Variants in WNT3A observed in about 807,000 individuals in gnomAD.
WNT3A encodes protein Wnt-3a.
A neutral mutation model predicts 37.0 loss-of-function variants in WNT3A; 17 were observed. The observed-to-expected ratio is 0.46, with a 90% confidence interval of 0.31 to 0.69. The LOEUF is 0.69. WNT3A is among the 30% of genes least tolerant of loss of function. The probability of loss-of-function intolerance (pLI) is 0.05; values close to 1 mark genes in which losing one functional copy is unlikely to be tolerated. For missense variants in WNT3A, 411 were observed against 510.2 expected (o/e 0.81, Z 1.87); for synonymous variants, 187 against 211.0 (o/e 0.89, Z 0.99).
chr1:228,046,787 C>A (rs571402312), intron 2 of WNT3A, among the ~76,000 whole-genome samples: 2 of 143,320 alleles, frequency 1.4e-5, no homozygotes, highest in Admixed American at 7.0e-5. Context: ...TGTGTGCATG[C>A]GTGTGATGTG....
In WNT3A at chr1:228,050,508, C is replaced by T. The variant is rs905308523; in HGVS notation, c.314-148C>T. Reference sequence around the variant, plus strand: ...CATGCTTCTGTGTAGCCTGTAGATCCGTGAACCAAGTAAGCCTCTTTGCCT... The same window carrying T: ...CATGCTTCTGTGTAGCCTGTAGATCTGTGAACCAAGTAAGCCTCTTTGCCT... On this transcript the variant is annotated intron_variant, in intron 2 of 3. Transcript: ENST00000284523. The surrounding 1 kb of genome is among the most constrained non-coding windows in gnomAD (Gnocchi z 5.0). 23 of 981,074 alleles carry T rather than the reference C, an allele frequency of 2.3e-5. No individual in the cohort carries two copies. Among genetic ancestry groups the T allele is most frequent in the Non-Finnish European group, 2.4e-5 (17 of 707,976 alleles). 60.8% of individuals were successfully genotyped at this position (981,074 alleles called of 1,614,324 possible). A position where few individuals can be genotyped will look rare whatever the true frequency, so the allele number is the denominator to read the frequency against.
At chr1:228,052,435 T>C (rs1488990286) in intron 3 of WNT3A, among the ~76,000 whole-genome samples, 2 of 152,222 alleles carry the variant, frequency 1.3e-5, no homozygotes, top group Non-Finnish European at 2.9e-5. Context: ...TGAGCCACCA[T>C]GCCCAGCCGA....
chr1:228,021,311 C>T (rs149278853), intron 1 of WNT3A, among the ~76,000 whole-genome samples: 17 of 152,324 alleles, frequency 1.1e-4, no homozygotes, highest in South Asian at 4.1e-4. Context: ...TTAATTTAAA[C>T]GGCACAGGTG....
chr1:228,051,059 TGTG>T, intron 3 of WNT3A, 138 bp downstream of exon 3: 3 of 1,176,844 alleles, frequency 2.5e-6, no homozygotes, highest in South Asian at 1.7e-5. Flanking sequence ...CTGCCTGGGG[TGTG>T]CGAAGCTTAG....
intron 1 of WNT3A, among the ~76,000 whole-genome samples, chr1:228,014,907 C>T (rs1320203049): frequency 2.6e-5 from 4 of 152,340 alleles, no homozygotes; most frequent in Middle Eastern, 6.8e-3. Flanking sequence ...TGGCCACAGG[C>T]GGAAGCCATG....
intron 2 of WNT3A, among the ~76,000 whole-genome samples, chr1:228,044,379 A>T (rs907155839): frequency 2.6e-5 from 4 of 152,040 alleles, no homozygotes; most frequent in African/African-American, 9.7e-5. Context: ...TTCTATCAAG[A>T]TCCCTTTTCT....
intron 3 of WNT3A, among the ~76,000 whole-genome samples, chr1:228,055,179 AATATATATATATATATATATATATATAT>A (rs1180107835): frequency 2.1e-4 from 4 of 19,290 alleles, no homozygotes; most frequent in Non-Finnish European, 3.4e-4. Context: ...AAAAAAAAAA[AATATATATATATATATATATATATATAT>A]ATATATATAT....
Position 228,043,899 on chromosome 1 carries a change from C to T in WNT3A, c.314-6757C>T, listed in dbSNP as rs370851569. The stretch of plus-strand genomic sequence containing the variant: ...CAACCCATAGGCTCAAATCTCCTGC[C>T]GCTGTGCCTGCCACTTGGACATTCT... On this transcript the variant is annotated intron_variant, in intron 2 of 3. Transcript: ENST00000284523. Among the ~76,000 whole-genome samples the T allele has an allele frequency of 3.9e-5, 6 of 152,274 alleles. No individual in the cohort carries two copies. In the East Asian group the frequency reaches 5.8e-4, roughly 15 times the overall value.
intron 3 of WNT3A, among the ~76,000 whole-genome samples, chr1:228,055,171 AAAAAAAAAATATATATATATATAT>A (rs1558296031): frequency 2.7e-5 from 2 of 73,026 alleles, no homozygotes; most frequent in African/African-American, 1.2e-4. Flanking sequence ...AAAAAAAAAA[AAAAAAAAAATATATATATATATAT>A]ATATATATAT....
intron 1 of WNT3A, among the ~76,000 whole-genome samples, chr1:228,015,900 G>A (rs1417672038): frequency 6.6e-6 from 1 of 152,068 alleles, no homozygotes; most frequent in Non-Finnish European, 1.5e-5. Context: ...CTGCTGGCTG[G>A]GGCCACGCTT....
intron 1 of WNT3A, among the ~76,000 whole-genome samples, chr1:228,016,392 C>T (rs1193017008): frequency 6.6e-6 from 1 of 152,128 alleles, no homozygotes; most frequent in Non-Finnish European, 1.5e-5. Flanking sequence ...ACCACAACTG[C>T]CCAGTTCAGT....
At position 228,007,228 on chromosome 1, in the gene WNT3A, G is replaced by A; in HGVS notation, c.71+29G>A. The A allele has an allele frequency of 6.3e-7, 1 of 1,585,064 alleles. No individual in the cohort carries two copies. Among genetic ancestry groups the A allele is most frequent in the Non-Finnish European group, 8.6e-7 (1 of 1,166,222 alleles). ...AGTGAGCCTCCTCGCGTTCGCCCCT[G>A]CCCCTGTGCGCCGCGCCCGCAGCAG... On this transcript the variant is annotated intron_variant, in intron 1 of 3. Coordinates refer to ENST00000284523, the MANE Select transcript of WNT3A (RefSeq NM_033131.4). This position sits in a 1 kb window ranked among gnomAD's most constrained non-coding sequence, Gnocchi z 6.0.
At chr1:228,049,174 T>G (rs901309588) in intron 2 of WNT3A, among the ~76,000 whole-genome samples, 1 of 152,128 alleles carries the variant, frequency 6.6e-6, no homozygotes, top group Admixed American at 6.5e-5. Flanking sequence ...GAGGCAGCTG[T>G]ACCGCTGAGC....
chr1:228,025,707 A>G (rs2030836813), intron 2 of WNT3A, among the ~76,000 whole-genome samples: 2 of 152,076 alleles, frequency 1.3e-5, no homozygotes, highest in South Asian at 4.2e-4. Context: ...GTGTACCTCC[A>G]TGGTTAATGT....
In WNT3A at chr1:228,022,272, A is replaced by G. The variant is rs369324120; in HGVS notation, c.72-395A>G. On this transcript the variant is annotated intron_variant, in intron 1 of 3. Transcript: ENST00000284523. ...CAGGAGTTTGGGACCAGCCTGGGCA[A>G]CATAGCAGGACCTTGTCTCTACAAA... is the stretch of plus-strand genomic sequence containing the variant. Among the ~76,000 whole-genome samples the G allele has an allele frequency of 5.0e-4, 76 of 152,264 alleles. No homozygotes were observed. In the South Asian group the frequency reaches 0.016, roughly 32 times the overall value.
At chr1:228,046,495 G>GCATGTATGTGTATGGTATT (rs1180718931) in intron 2 of WNT3A, among the ~76,000 whole-genome samples, 4 of 150,028 alleles carry the variant, frequency 2.7e-5, no homozygotes, top group Non-Finnish European at 5.9e-5. Flanking sequence ...GGTTGTGTGT[G>GCATGTATGTGTATGGTATT]CATGTATGTG....
At chr1:228,022,970 C>T (rs1001577725) in intron 2 of WNT3A, 62 bp downstream of exon 2, 18 of 1,545,190 alleles carry the variant, frequency 1.2e-5, no homozygotes, top group African/African-American at 4.1e-5. Flanking sequence ...TCCCGCCTAG[C>T]GCTGCCTGAC....
At chr1:228,017,679 C>A (rs557475345) in intron 1 of WNT3A, among the ~76,000 whole-genome samples, 12 of 152,132 alleles carry the variant, frequency 7.9e-5, no homozygotes, top group Non-Finnish European at 1.3e-4. Flanking sequence ...TCAGCCTAGA[C>A]GACAGAGCAA....
chr1:228,055,170 AAAAAAAAAAATATATATATATATATAT>A lies in WNT3A; in HGVS notation c.580-3814_580-3788del, dbSNP rs1287135111. Among the ~76,000 whole-genome samples, 12 of 72,764 alleles carry A rather than the reference AAAAAAAAAAATATATATATATATATAT, an allele frequency of 1.6e-4. 1 individual carries two copies. Among genetic ancestry groups the A allele is most frequent in the African/African-American group, 7.3e-4 (12 of 16,478 alleles). 47.7% of individuals were successfully genotyped at this position (72,764 alleles called of 152,430 possible). ...GGAAACTCCGTCCCAAAAAAAAAAAAAAAAAAAAAATATATATATATATATATATATATATATATATATATATATACA... is the reference window on the plus strand; with the variant it reads ...GGAAACTCCGTCCCAAAAAAAAAAAAATATATATATATATATATATATACA... On this transcript the variant is annotated intron_variant, in intron 3 of 3. Coordinates refer to ENST00000284523, the MANE Select transcript of WNT3A (RefSeq NM_033131.4).
Sources: gnomAD v4.1 joint callset for allele counts (sites outside exome capture counted in the v4.1 genomes callset) on GRCh38, gnomAD v4.1.1 for gene constraint, Gnocchi (gnomAD v3.1) non-coding constraint, MANE v1.5 for transcripts, NCBI Gene and HGNC (gene_info 2026-07-23, HGNC 2026-07-21) for gene names.